The following B3GAT2 variants were observed in gnomAD, a reference collection of about 807,000 sequenced individuals.
B3GAT2 encodes galactosylgalactosylxylosylprotein 3-beta-glucuronosyltransferase 2.
Under a neutral mutation model 27.8 loss-of-function variants are expected in B3GAT2, and 26 were observed. The ratio of observed to expected loss-of-function variants is 0.93; its 90% CI spans 0.68 to 1.30. The LOEUF is 1.30. Ranked by LOEUF, B3GAT2 falls within the 50% of genes most tolerant of loss-of-function variation. The probability of loss-of-function intolerance (pLI) is 0.00; values close to 1 mark genes in which losing one functional copy is unlikely to be tolerated. For synonymous variants in B3GAT2, 218 were observed against 195.1 expected (o/e 1.12, Z -0.98); for missense variants, 458 against 459.0 (o/e 1.00, Z 0.02).
In B3GAT2 at chr6:70,880,489, T is replaced by G. The variant is rs538342093; in HGVS notation, c.736+13639A>C. Among the ~76,000 whole-genome samples the G allele has an allele frequency of 2.6e-5, 4 of 152,194 alleles. No homozygotes were observed. In the East Asian group the frequency reaches 7.7e-4, roughly 29 times the overall value. On this transcript the variant is annotated intron_variant, in intron 2 of 3. Coordinates refer to ENST00000230053, the MANE Select transcript of B3GAT2 (RefSeq NM_080742.3). ...CTCAAAACTCAAGTATTATAGGAAC[T>G]TGTATCCTGTTTCTTTCTGATTTTT...
Position 70,857,407 on chromosome 6 carries a change from G to C in B3GAT2, c.*4256C>G, listed in dbSNP as rs1442390120. ...ACCACATGGATTAAAAAAAATCTAT[G>C]AATTTTTTTGTAATCATAACAAAAT... is the stretch of plus-strand genomic sequence containing the variant. On this transcript the variant is annotated 3_prime_UTR_variant, in exon 4 of 4. Transcript: ENST00000230053. 5.9e-6 allele frequency: 1 copy of C among 168,412 alleles called. No homozygotes were observed. The highest frequency in any genetic ancestry group is 1.3e-5 in the Non-Finnish European group (1 of 78,676). The allele number at this position is 168,412 out of a possible 1,614,324, so 10.4% of individuals were successfully genotyped here.
chr6:70,906,258 T>C (rs1772600625), intron 1 of B3GAT2, among the ~76,000 whole-genome samples: 2 of 152,174 alleles, frequency 1.3e-5, no homozygotes, highest in Non-Finnish European at 2.9e-5. Flanking sequence ...GTTTCAAAAT[T>C]AGGTACTATT....
chr6:70,923,238 C>A (rs1176477252), intron 1 of B3GAT2, among the ~76,000 whole-genome samples: 1 of 152,172 alleles, frequency 6.6e-6, no homozygotes, highest in East Asian at 1.9e-4. Flanking sequence ...AGACACATAT[C>A]TTTCTATGAA....
At chr6:70,925,674 G>A (rs1469539056) in intron 1 of B3GAT2, among the ~76,000 whole-genome samples, 3 of 152,236 alleles carry the variant, frequency 2.0e-5, no homozygotes, top group African/African-American at 7.2e-5. Flanking sequence ...GAGCCCACCA[G>A]AGCTCAACCA....
chr6:70,949,314 A>G (rs1765541547), intron 1 of B3GAT2, among the ~76,000 whole-genome samples: 1 of 152,206 alleles, frequency 6.6e-6, no homozygotes, highest in African/African-American at 2.4e-5. Flanking sequence ...CATCTGACAA[A>G]GGGCTAATAT....
At chr6:70,923,997 T>A (rs1772913059) in intron 1 of B3GAT2, among the ~76,000 whole-genome samples, 1 of 152,160 alleles carries the variant, frequency 6.6e-6, no homozygotes. Context: ...TATTAAAACT[T>A]AACAGGTGGG....
intron 2 of B3GAT2, among the ~76,000 whole-genome samples, chr6:70,866,360 T>C (rs1771851365): frequency 6.6e-6 from 1 of 152,222 alleles, no homozygotes; most frequent in Non-Finnish European, 1.5e-5. Flanking sequence ...GTTAACTCAG[T>C]TGTGTCCCAG....
At chr6:70,901,064 G>C (rs1772490289) in intron 1 of B3GAT2, among the ~76,000 whole-genome samples, 1 of 152,078 alleles carries the variant, frequency 6.6e-6, no homozygotes, top group Non-Finnish European at 1.5e-5. Flanking sequence ...TGGAAGCAAG[G>C]ATTCTTTCCA....
intron 1 of B3GAT2, among the ~76,000 whole-genome samples, chr6:70,913,942 T>C (rs1246699434): frequency 6.6e-6 from 1 of 152,196 alleles, no homozygotes; most frequent in African/African-American, 2.4e-5. Flanking sequence ...CCTTTATGAT[T>C]ATGTCATGCG....
intron 1 of B3GAT2, among the ~76,000 whole-genome samples, chr6:70,905,435 A>G (rs1188781812): frequency 7.2e-5 from 11 of 152,238 alleles, no homozygotes; most frequent in Admixed American, 7.2e-4. Context: ...CTTTATCTGG[A>G]TATCAAAAGG....
In B3GAT2 at chr6:70,861,727, G is replaced by C; in HGVS notation, c.908C>G (p.Thr303Arg). The change falls in exon 4 of 4, where the codon ACA becomes AGA. Residue 303 changes from threonine (T) to arginine (R), a missense_variant. Physicochemically the swap from Thr to Arg is moderately conservative, Grantham distance 71. Coordinates refer to ENST00000230053, the MANE Select transcript of B3GAT2 (RefSeq NM_080742.3). Reference protein sequence around the residue: ...CTKVLVWHTRTEKVNLANEPK... With the variant: ...CTKVLVWHTRREKVNLANEPK... The stretch of plus-strand genomic sequence containing the variant: ...CTCGTTGGCTAGATTAACCTTCTCT[G>C]TCCGAGTGTGCCACACGAGAACCTG... 3 of 1,614,040 alleles carry C rather than the reference G, an allele frequency of 1.9e-6. No individual in the cohort carries two copies. Among genetic ancestry groups the C allele is most frequent in the East Asian group, 2.2e-5 (1 of 44,872 alleles).
intron 1 of B3GAT2, among the ~76,000 whole-genome samples, chr6:70,929,520 T>C (rs1433309203): frequency 6.6e-6 from 1 of 152,118 alleles, no homozygotes. Flanking sequence ...ACAAAATCAA[T>C]GTGCAAAATC....
intron 1 of B3GAT2, among the ~76,000 whole-genome samples, chr6:70,911,357 T>A (rs1289178854): frequency 1.3e-5 from 2 of 152,194 alleles, no homozygotes; most frequent in Non-Finnish European, 2.9e-5. Context: ...CTAGTTTTAA[T>A]CTTCTGCATA....
In B3GAT2 at chr6:70,913,655, G is replaced by A. The variant is rs144591119; in HGVS notation, c.592-19383C>T. On this transcript the variant is annotated intron_variant, in intron 1 of 3. Coordinates refer to ENST00000230053, the MANE Select transcript of B3GAT2 (RefSeq NM_080742.3). ...GACTTTAGAGTATGTGCCATGTGGC[G>A]ATGAGAAGAATGTATATTCTGTTGT... 2.6e-3 allele frequency among the ~76,000 whole-genome samples: 392 copies of A among 152,352 alleles called. 4 individuals carry two copies. The highest frequency in any genetic ancestry group is 9.0e-3 in the African/African-American group (375 of 41,586).
intron 1 of B3GAT2, among the ~76,000 whole-genome samples, chr6:70,928,938 T>C (rs1012125095): frequency 1.3e-5 from 2 of 152,164 alleles, no homozygotes; most frequent in African/African-American, 2.4e-5. Context: ...CTATTCACAA[T>C]AGCAAAGACT....
intron 1 of B3GAT2, among the ~76,000 whole-genome samples, chr6:70,923,513 A>T (rs557381763): frequency 4.6e-5 from 7 of 152,138 alleles, no homozygotes; most frequent in Admixed American, 1.3e-4. Flanking sequence ...CTCTACAAAA[A>T]TTTTTTTAAA....
rs199807183 is a variant in B3GAT2, at chr6:70,856,899, T to G, written c.*4764A>C. On this transcript the variant is annotated 3_prime_UTR_variant, in exon 4 of 4. Transcript: ENST00000230053. ...CCAGCAGCTGCAACCCTGTCTACAG[T>G]AACATCTGGGGATCTAGATTTATTC... The G allele has an allele frequency of 6.2e-7, 1 of 1,613,638 alleles. No individual in the cohort carries two copies. Among genetic ancestry groups the G allele is most frequent in the Non-Finnish European group, 8.5e-7 (1 of 1,179,760 alleles).
At chr6:70,916,061 CCT>C (rs1329052382) in intron 1 of B3GAT2, among the ~76,000 whole-genome samples, 4 of 151,980 alleles carry the variant, frequency 2.6e-5, no homozygotes, top group African/African-American at 7.3e-5. Context: ...TTGTTTGTAT[CCT>C]CTTTTATTTC....
intron 1 of B3GAT2, among the ~76,000 whole-genome samples, chr6:70,950,733 A>C (rs1765566888): frequency 6.6e-6 from 1 of 152,184 alleles, no homozygotes; most frequent in Admixed American, 6.6e-5. Flanking sequence ...ACTAAATATT[A>C]GCATTAGTAT....
Sources: allele counts gnomAD v4.1 joint callset (sites outside exome capture counted in the v4.1 genomes callset), GRCh38; gene constraint gnomAD v4.1.1; transcripts MANE v1.5; gene names NCBI Gene and HGNC (gene_info 2026-07-23, HGNC 2026-07-21).